Variants in MARCHF1 observed in about 807,000 individuals in gnomAD.
The protein encoded by MARCHF1 is membrane associated ring-CH-type finger 1.
In MARCHF1, 40 loss-of-function variants were observed where a neutral mutation model predicts 54.2. That is an observed-to-expected ratio of 0.74 (90% CI 0.57 to 0.96). The LOEUF is 0.96. MARCHF1 is among the 40% of genes least tolerant of loss of function. The probability of loss-of-function intolerance (pLI) is 0.00; values close to 1 mark genes in which losing one functional copy is unlikely to be tolerated. For synonymous variants in MARCHF1, 236 were observed against 236.3 expected (o/e 1.00, Z 0.01); for missense variants, 586 against 656.5 (o/e 0.89, Z 1.17).
intron 1 of MARCHF1, among the ~76,000 whole-genome samples, chr4:164,339,581 G>A (rs947850533): frequency 6.6e-6 from 1 of 152,004 alleles, no homozygotes. Context: ...AGTTATAAGA[G>A]GGAAGTTTAC....
intron 3 of MARCHF1, among the ~76,000 whole-genome samples, chr4:163,960,731 A>G (rs773346995): frequency 1.3e-5 from 2 of 151,780 alleles, no homozygotes; most frequent in Non-Finnish European, 2.9e-5. Flanking sequence ...GGGCGATGAA[A>G]TAATCTGCAC....
intron 1 of MARCHF1, among the ~76,000 whole-genome samples, chr4:164,373,546 G>A (rs927932247): frequency 1.3e-5 from 2 of 151,498 alleles, no homozygotes; most frequent in Non-Finnish European, 2.9e-5. Context: ...GTAGAGATGG[G>A]GTTTCACCAT....
chr4:164,312,514 G>T (rs897319342), intron 1 of MARCHF1, among the ~76,000 whole-genome samples: 1 of 151,748 alleles, frequency 6.6e-6, no homozygotes, highest in African/African-American at 2.4e-5. Flanking sequence ...AGTAGAGACA[G>T]GGTTTCACCA....
intron 3 of MARCHF1, chr4:163,932,943 G>T: frequency 1.5e-6 from 1 of 667,566 alleles, no homozygotes; most frequent in South Asian, 1.4e-5. Flanking sequence ...ACAAATGATA[G>T]ATAATTCCCA....
At chr4:164,122,248 T>C (rs1176016083) in intron 1 of MARCHF1, among the ~76,000 whole-genome samples, 1 of 152,132 alleles carries the variant, frequency 6.6e-6, no homozygotes, top group Non-Finnish European at 1.5e-5. Flanking sequence ...AACATTTACT[T>C]AGCCAGATAG....
intron 2 of MARCHF1, among the ~76,000 whole-genome samples, chr4:164,096,908 A>G (rs1755426772): frequency 6.6e-6 from 1 of 152,144 alleles, no homozygotes; most frequent in African/African-American, 2.4e-5. Context: ...CTATTTTACT[A>G]TGCCTAAACT....
chr4:163,856,872 C>T (rs370686208), intron 3 of MARCHF1, among the ~76,000 whole-genome samples: 51 of 151,814 alleles, frequency 3.4e-4, no homozygotes, highest in African/African-American at 1.1e-3. Context: ...ATTAGCCGGG[C>T]GTGGTGGCAT....
At chr4:164,107,541 T>G (rs776393657) in intron 2 of MARCHF1, among the ~76,000 whole-genome samples, 1 of 152,066 alleles carries the variant, frequency 6.6e-6, no homozygotes, top group Non-Finnish European at 1.5e-5. Context: ...TTTTGTATTT[T>G]TAGTAGAAAC....
intron 1 of MARCHF1, among the ~76,000 whole-genome samples, chr4:164,202,223 T>C (rs745885327): frequency 2.6e-5 from 4 of 152,218 alleles, no homozygotes; most frequent in Non-Finnish European, 5.9e-5. Context: ...TACATTTAGA[T>C]GATTCGAAGG....
At chr4:163,779,829 A>G (rs185962128) in intron 4 of MARCHF1, among the ~76,000 whole-genome samples, 1 of 152,210 alleles carries the variant, frequency 6.6e-6, no homozygotes, top group Non-Finnish European at 1.5e-5. Flanking sequence ...AAAAAGAAGA[A>G]AAAAAAACCC....
chr4:163,702,915 AC>A lies in MARCHF1; in HGVS notation c.112-2053del, dbSNP rs577549983. ...AGGAAAGTGCATCAGAAAAGTTAAC[AC>A]GTGGTAGGACAGTGGTGTACGCTAT... On this transcript the variant is annotated intron_variant, in intron 4 of 9. Transcript: ENST00000514618. Among the ~76,000 whole-genome samples, 64 of 152,304 alleles carry A rather than the reference AC, an allele frequency of 4.2e-4. 1 individual carries two copies. In the South Asian group the frequency reaches 0.013, roughly 31 times the overall value.
intron 3 of MARCHF1, among the ~76,000 whole-genome samples, chr4:163,969,598 C>T (rs554877293): frequency 3.3e-5 from 5 of 152,226 alleles, no homozygotes; most frequent in African/African-American, 7.2e-5. Flanking sequence ...TATTTACCTC[C>T]AGTGATAAAT....
Position 163,539,941 on chromosome 4 carries a change from T to C in MARCHF1, c.1339+5655A>G, listed in dbSNP as rs1398664437. ...TGTTTCTCTGAAAATATATTTCCTTTGGTAATAGAATGGGGTCCTGGTTCC... is the reference window on the plus strand; with the variant it reads ...TGTTTCTCTGAAAATATATTTCCTTCGGTAATAGAATGGGGTCCTGGTTCC... On this transcript the variant is annotated intron_variant, in intron 9 of 9. Transcript: ENST00000514618. 2.0e-5 allele frequency among the ~76,000 whole-genome samples: 3 copies of C among 152,168 alleles called. No homozygotes were observed. The East Asian group carries it at 5.8e-4, about 29-fold the overall frequency.
chr4:163,632,987 G>A (rs12648985), intron 5 of MARCHF1, among the ~76,000 whole-genome samples: 63,259 of 151,930 alleles, frequency 0.42, 13,694 homozygotes, highest in East Asian at 0.6. Context: ...GCAGGGGCAC[G>A]CTGACACCTC....
At chr4:163,733,218 T>TAC (rs1745919467) in intron 4 of MARCHF1, among the ~76,000 whole-genome samples, 1 of 27,088 alleles carries the variant, frequency 3.7e-5, no homozygotes, top group East Asian at 7.1e-4. Context: ...TATATATATA[T>TAC]ATACACGTGT....
chr4:164,341,119 T>C (rs940382636), intron 1 of MARCHF1, among the ~76,000 whole-genome samples: 3 of 152,034 alleles, frequency 2.0e-5, no homozygotes, highest in Admixed American at 6.6e-5. Flanking sequence ...GAATGAATAA[T>C]AAAAATCATT....
chr4:163,559,647 TCC>T (rs1205225391), intron 8 of MARCHF1, among the ~76,000 whole-genome samples: 4 of 152,186 alleles, frequency 2.6e-5, no homozygotes, highest in Non-Finnish European at 5.9e-5. Context: ...TTTTAGAACC[TCC>T]GATTATCTGC....
At chr4:163,974,135 C>A (rs1435057787) in intron 3 of MARCHF1, among the ~76,000 whole-genome samples, 6 of 152,180 alleles carry the variant, frequency 3.9e-5, no homozygotes, top group Non-Finnish European at 8.8e-5. Context: ...GCTCCCAAAT[C>A]ATTTGACATC....
intron 3 of MARCHF1, among the ~76,000 whole-genome samples, chr4:163,918,226 C>T (rs59285051): frequency 0.23 from 34,930 of 151,902 alleles, 4,940 homozygotes; most frequent in East Asian, 0.44. Context: ...TATTTCCGAG[C>T]TCTGTATCAT....
Sources: gnomAD v4.1 joint callset for allele counts (sites outside exome capture counted in the v4.1 genomes callset) on GRCh38, gnomAD v4.1.1 for gene constraint, MANE v1.5 for transcripts, NCBI Gene and HGNC (gene_info 2026-07-23, HGNC 2026-07-21) for gene names.